RASEF: variants seen among roughly 807,000 people sequenced by gnomAD.
The protein encoded by RASEF is RAS and EF-hand domain containing.
Under a neutral mutation model 90.1 loss-of-function variants are expected in RASEF, and 68 were observed. The ratio of observed to expected loss-of-function variants is 0.75; its 90% CI spans 0.62 to 0.92. The LOEUF is 0.92. Ranked by LOEUF, RASEF falls within the 40% of genes least tolerant of loss-of-function variation. The probability of loss-of-function intolerance (pLI) is 0.00; values close to 1 mark genes in which losing one functional copy is unlikely to be tolerated. For synonymous variants in RASEF, 331 were observed against 345.2 expected (o/e 0.96, Z 0.46); for missense variants, 949 against 937.2 (o/e 1.01, Z -0.16).
At chr9:82,998,925 CGT>C (rs1421656860) in intron 12 of RASEF, among the ~76,000 whole-genome samples, 1 of 151,936 alleles carries the variant, frequency 6.6e-6, no homozygotes, top group Non-Finnish European at 1.5e-5. Flanking sequence ...TATACATATG[CGT>C]GTGTATATAT....
At chr9:83,048,320 AAACT>A in intron 1 of RASEF, 1 of 985,362 alleles carries the variant, frequency 1.0e-6, no homozygotes, top group Non-Finnish European at 1.2e-6. Context: ...AGAGGGGTGG[AAACT>A]CCCTGAGTGT....
At chr9:83,160,822 T>C in the RASEF span, among the ~76,000 whole-genome samples, 20 of 152,128 alleles carry the variant, frequency 1.3e-4, no homozygotes, top group African/African-American at 4.8e-4. Context: ...AGAGATTTGG[T>C]GCCCTGTGTC....
intron 1 of RASEF, among the ~76,000 whole-genome samples, chr9:83,058,484 A>G: frequency 6.6e-6 from 1 of 152,064 alleles, no homozygotes; most frequent in South Asian, 2.1e-4. Flanking sequence ...GCCCGGCCGT[A>G]TTTATGTCTT....
At chr9:83,145,099 G>C in the RASEF span, among the ~76,000 whole-genome samples, 3 of 152,030 alleles carry the variant, frequency 2.0e-5, no homozygotes, top group African/African-American at 7.2e-5. Flanking sequence ...AGGAATCTTT[G>C]GAGGTGCCTC....
chr9:83,131,662 C>G, the RASEF span, among the ~76,000 whole-genome samples: 1 of 152,246 alleles, frequency 6.6e-6, no homozygotes, highest in Non-Finnish European at 1.5e-5. Flanking sequence ...TCCAGTCTAG[C>G]TATATAAATG....
chr9:83,104,214 G>A, the RASEF span, among the ~76,000 whole-genome samples: 43 of 151,938 alleles, frequency 2.8e-4, no homozygotes, highest in African/African-American at 8.5e-4. Flanking sequence ...TTGGCTTTAC[G>A]TAAGAATTTC....
At chr9:83,151,100 GTTGT>G in the RASEF span, among the ~76,000 whole-genome samples, 179 of 140,128 alleles carry the variant, frequency 1.3e-3, 1 homozygote, top group African/African-American at 5.5e-3. Context: ...ACAATCAAAA[GTTGT>G]TTTTTTTTTT....
chr9:83,016,998 G>C (rs553994222), intron 3 of RASEF, among the ~76,000 whole-genome samples: 29 of 152,052 alleles, frequency 1.9e-4, no homozygotes, highest in Non-Finnish European at 3.8e-4. Context: ...TTTTAAAAGG[G>C]GCTATCTTGA....
chr9:83,193,280 C>A, the RASEF span, among the ~76,000 whole-genome samples: 11 of 152,182 alleles, frequency 7.2e-5, no homozygotes, highest in Non-Finnish European at 1.2e-4. Context: ...TCCTTCCCTG[C>A]AGTGAAAGAT....
the RASEF span, among the ~76,000 whole-genome samples, chr9:83,103,589 A>G: frequency 6.6e-6 from 1 of 152,196 alleles, no homozygotes; most frequent in African/African-American, 2.4e-5. Context: ...TTGAGTATTC[A>G]TGAATGTTTG....
chr9:83,003,318 A>G (rs1829072158), intron 9 of RASEF, among the ~76,000 whole-genome samples: 1 of 152,186 alleles, frequency 6.6e-6, no homozygotes, highest in African/African-American at 2.4e-5. Flanking sequence ...TCACTCAAAC[A>G]TGCTGGGGAC....
chr9:83,215,169 T>C, the RASEF span, among the ~76,000 whole-genome samples: 2 of 151,800 alleles, frequency 1.3e-5, no homozygotes, highest in African/African-American at 4.8e-5. Context: ...ATCTTCCCAT[T>C]CCATCCCCTC....
chr9:83,132,524 CT>C, the RASEF span, among the ~76,000 whole-genome samples: 9 of 152,164 alleles, frequency 5.9e-5, no homozygotes, highest in Admixed American at 1.3e-4. Flanking sequence ...TGTCTTATGC[CT>C]CTAAGTTTTA....
the RASEF span, among the ~76,000 whole-genome samples, chr9:83,091,620 C>T: frequency 2.0e-5 from 3 of 152,066 alleles, no homozygotes; most frequent in African/African-American, 4.8e-5. Context: ...ACTACTCAGC[C>T]TTTTCTTTTG....
At chr9:83,087,405 T>TTCTCTCTCTCTCTCTCTC in the RASEF span, among the ~76,000 whole-genome samples, 4,845 of 115,298 alleles carry the variant, frequency 0.042, 360 homozygotes, top group East Asian at 0.078. Flanking sequence ...TTCTCATTCA[T>TTCTCTCTCTCTCTCTCTC]TCTCTCTCTC....
chr9:83,007,931 A>G lies in RASEF; in HGVS notation c.960-426T>C, dbSNP rs141033451. ...TCCCTGCTCATCTAAAGCCTTATATAATCCCAACTCCATCTATTTTCTCCT... is the reference window on the plus strand; with the variant it reads ...TCCCTGCTCATCTAAAGCCTTATATGATCCCAACTCCATCTATTTTCTCCT... On this transcript the variant is annotated intron_variant, in intron 6 of 16. Coordinates refer to ENST00000376447, the MANE Select transcript of RASEF (RefSeq NM_152573.4). 4.4e-3 allele frequency among the ~76,000 whole-genome samples: 662 copies of G among 152,132 alleles called. 2 individuals carry two copies. The highest frequency in any genetic ancestry group is 7.9e-3 in the Non-Finnish European group (535 of 68,004).
chr9:83,095,472 G>C, the RASEF span, among the ~76,000 whole-genome samples: 1 of 148,220 alleles, frequency 6.7e-6, no homozygotes, highest in South Asian at 2.2e-4. Flanking sequence ...TTGCCCCAAG[G>C]GATCTAGTAT....
chr9:83,008,532 G>C (rs894901133), intron 6 of RASEF, among the ~76,000 whole-genome samples: 3 of 151,906 alleles, frequency 2.0e-5, no homozygotes, highest in Non-Finnish European at 4.4e-5. Flanking sequence ...CATAATGAAG[G>C]TCCCTGTCTC....
chr9:83,211,790 C>T, the RASEF span, among the ~76,000 whole-genome samples: 3 of 152,236 alleles, frequency 2.0e-5, no homozygotes, highest in African/African-American at 7.2e-5. Flanking sequence ...GAGATGGACA[C>T]TCAGATCCAG....
Sources: allele counts gnomAD v4.1 joint callset (sites outside exome capture counted in the v4.1 genomes callset), GRCh38; gene constraint gnomAD v4.1.1; transcripts MANE v1.5; gene names NCBI Gene and HGNC (gene_info 2026-07-23, HGNC 2026-07-21).